Variants in ANO3 observed in about 807,000 individuals in gnomAD.
The protein encoded by ANO3 is anoctamin 3.
ANO3 carries 99 observed loss-of-function variants against 144.8 expected under a neutral mutation model. The observed-to-expected ratio is 0.68, with a 90% CI of 0.58 to 0.81. The LOEUF is 0.81. ANO3 is among the 30% of genes least tolerant of loss of function. The pLI, the probability that ANO3 is intolerant of heterozygous loss-of-function variation, is 0.00. For synonymous variants in ANO3, 414 were observed against 392.6 expected, an observed-to-expected ratio of 1.05 and a Z score of -0.64; for missense variants, 905 against 1,202.2, an observed-to-expected ratio of 0.75 and a Z score of 3.66.
chr11:26,374,470 C>T (rs1307837467), intron 1 of ANO3, among the ~76,000 whole-genome samples: 1 of 152,004 alleles, frequency 6.6e-6, no homozygotes, highest in Admixed American at 6.6e-5. Flanking sequence ...ATATTGGTAT[C>T]TTAAAGATCA....
intron 1 of ANO3, among the ~76,000 whole-genome samples, chr11:26,237,070 G>T (rs1169759798): frequency 6.6e-6 from 1 of 152,000 alleles, no homozygotes; most frequent in East Asian, 1.9e-4. Flanking sequence ...TTAATATTAA[G>T]ATTGTGATTC....
At chr11:26,194,531 G>A (rs1256122236) in intron 1 of ANO3, among the ~76,000 whole-genome samples, 2 of 143,044 alleles carry the variant, frequency 1.4e-5, no homozygotes, top group Non-Finnish European at 3.0e-5. Flanking sequence ...ATGGAGTTTT[G>A]CTCTTGTTGC....
chr11:26,298,562 C>T lies in ANO3; in HGVS notation c.155-11083C>T, dbSNP rs2133860452. On this transcript the variant is annotated intron_variant, in intron 1 of 27. Transcript: ENST00000672621. ...ATTATTCTGAGTAATTAACCTTTTA[C>T]TCTGAGTAAAGTGGGGCTTCATTGA... 2.0e-5 allele frequency among the ~76,000 whole-genome samples: 3 copies of T among 152,240 alleles called. No homozygotes were observed. In the South Asian group the frequency reaches 6.2e-4, roughly 32 times the overall value.
At chr11:26,198,517 A>G (rs1851632089) in intron 1 of ANO3, among the ~76,000 whole-genome samples, 1 of 152,202 alleles carries the variant, frequency 6.6e-6, no homozygotes, top group South Asian at 2.1e-4. Context: ...ATAGAAACGG[A>G]AAGAAATTAT....
chr11:26,594,291 C>T (rs1429600243), intron 14 of ANO3, among the ~76,000 whole-genome samples: 1 of 152,186 alleles, frequency 6.6e-6, no homozygotes, highest in Non-Finnish European at 1.5e-5. Flanking sequence ...GGGAATCATT[C>T]TCTTTCCTCT....
At chr11:26,279,578 G>A (rs1307084420) in intron 1 of ANO3, among the ~76,000 whole-genome samples, 1 of 152,160 alleles carries the variant, frequency 6.6e-6, no homozygotes, top group East Asian at 1.9e-4. Context: ...AGAAGCACAT[G>A]GACAGATATT....
intron 1 of ANO3, among the ~76,000 whole-genome samples, chr11:26,419,518 A>AT (rs1857690844): frequency 6.7e-6 from 1 of 148,482 alleles, no homozygotes. Flanking sequence ...AATTAATAGG[A>AT]TTTTTTTCAG....
At chr11:26,627,994 AT>A (rs1367606097) in intron 18 of ANO3, among the ~76,000 whole-genome samples, 3 of 151,956 alleles carry the variant, frequency 2.0e-5, no homozygotes, top group Non-Finnish European at 4.4e-5. Context: ...TTCTTGATTT[AT>A]TTTTTTCCAA....
chr11:26,365,084 A>G (rs1177958912), intron 1 of ANO3, among the ~76,000 whole-genome samples: 4 of 152,242 alleles, frequency 2.6e-5, no homozygotes, highest in Non-Finnish European at 4.4e-5. Flanking sequence ...CAAAAAGAAG[A>G]AATCAACCAA....
At chr11:26,539,830 G>A (rs1004530922) in intron 10 of ANO3, among the ~76,000 whole-genome samples, 6 of 152,072 alleles carry the variant, frequency 3.9e-5, no homozygotes, top group African/African-American at 1.2e-4. Flanking sequence ...GTTGACTCTC[G>A]TAAAACCCCT....
At chr11:26,396,215 A>T (rs11029546) in intron 1 of ANO3, among the ~76,000 whole-genome samples, 40,424 of 152,126 alleles carry the variant, frequency 0.27, 6,031 homozygotes, top group African/African-American at 0.4. Flanking sequence ...TCATTAGAGA[A>T]ATGCAAATCA....
chr11:26,351,395 AT>A (rs1484545438), intron 1 of ANO3, among the ~76,000 whole-genome samples: 1 of 151,996 alleles, frequency 6.6e-6, no homozygotes, highest in African/African-American at 2.4e-5. Context: ...TCCTGTCTAT[AT>A]TTTATTTTTT....
intron 1 of ANO3, among the ~76,000 whole-genome samples, chr11:26,299,101 TAA>T (rs1268652717): frequency 6.6e-6 from 1 of 152,062 alleles, no homozygotes; most frequent in Non-Finnish European, 1.5e-5. Context: ...GCATAAGAAA[TAA>T]AGAGAAGAGT....
At chr11:26,325,042 T>C (rs529706999) in intron 1 of ANO3, among the ~76,000 whole-genome samples, 2 of 152,282 alleles carry the variant, frequency 1.3e-5, no homozygotes, top group East Asian at 3.9e-4. Context: ...AGAGTTAACA[T>C]GCAAACTTTC....
intron 5 of ANO3, among the ~76,000 whole-genome samples, chr11:26,509,420 A>G (rs1290146535): frequency 6.6e-6 from 1 of 151,968 alleles, no homozygotes; most frequent in South Asian, 2.1e-4. Flanking sequence ...GGCTCAAGCA[A>G]TTCTGCCTCA....
chr11:26,533,749 T>C (rs293940), intron 8 of ANO3, among the ~76,000 whole-genome samples: 107,008 of 152,020 alleles, frequency 0.7, 38,069 homozygotes, highest in East Asian at 0.84. Flanking sequence ...TGCCATCTGT[T>C]TGAATATGAG....
intron 12 of ANO3, among the ~76,000 whole-genome samples, chr11:26,551,204 A>G (rs1272264252): frequency 6.6e-6 from 1 of 152,024 alleles, no homozygotes; most frequent in African/African-American, 2.4e-5. Flanking sequence ...ACCTCCATAT[A>G]GAAAATTTAT....
intron 1 of ANO3, among the ~76,000 whole-genome samples, chr11:26,426,679 G>T (rs1447760308): frequency 6.6e-6 from 1 of 152,180 alleles, no homozygotes; most frequent in Non-Finnish European, 1.5e-5. Flanking sequence ...TGGGAAAGGA[G>T]TGAGCTGCCT....
chr11:26,639,102 G>A (rs372101449), intron 20 of ANO3, 42 bp from the exon 21 acceptor site: 12 of 1,380,860 alleles, frequency 8.7e-6, no homozygotes, highest in African/African-American at 8.5e-5. Flanking sequence ...AGCCTACTGG[G>A]AAGAAGACCA....
Sources: allele counts gnomAD v4.1 joint callset (sites outside exome capture counted in the v4.1 genomes callset), GRCh38; gene constraint gnomAD v4.1.1; transcripts MANE v1.5; gene names NCBI Gene and HGNC (gene_info 2026-07-23, HGNC 2026-07-21).